Variants in RIF1 observed in about 807,000 individuals in gnomAD.
The protein encoded by RIF1 is replication timing regulatory factor 1, also known as telomere-associated protein RIF1.
RIF1 carries 45 observed loss-of-function variants against 247.1 expected under a neutral mutation model. The observed-to-expected ratio is 0.18, with a 90% CI of 0.14 to 0.23. The LOEUF is 0.23. RIF1 is among the 10% of genes least tolerant of loss of function. The pLI is 1.00. For missense variants in RIF1, 2,967 were observed against 2,862.5 expected, an observed-to-expected ratio of 1.04 and a Z score of -0.83; for synonymous variants, 1,087 against 978.8, an observed-to-expected ratio of 1.11 and a Z score of -2.06.
chr2:151,532,621 A>T, the RIF1 span, among the ~76,000 whole-genome samples: 1 of 152,020 alleles, frequency 6.6e-6, no homozygotes, highest in African/African-American at 2.4e-5. Flanking sequence ...GGCAAACAGG[A>T]TATTTATAGG....
At chr2:151,467,805 A>G (rs1471655753) in intron 30 of RIF1, among the ~76,000 whole-genome samples, 195 bp from the exon 31 acceptor site, 1 of 152,124 alleles carries the variant, frequency 6.6e-6, no homozygotes, top group Admixed American at 6.5e-5. Context: ...TAAAATATAG[A>G]AAATTAGAGT....
intron 9 of RIF1, among the ~76,000 whole-genome samples, chr2:151,494,823 A>AT (rs1361337534): frequency 6.6e-6 from 1 of 151,582 alleles, no homozygotes; most frequent in Admixed American, 6.6e-5. Flanking sequence ...TAATTTTTGT[A>AT]TTTTTTAGTA....
chr2:151,418,968 C>CTTTTTTTTTTTTTTTTTTTTTTTT (rs36020810), intron 6 of RIF1, among the ~76,000 whole-genome samples: 1 of 111,774 alleles, frequency 8.9e-6, no homozygotes, highest in African/African-American at 3.3e-5. Flanking sequence ...GCCTTAAATT[C>CTTTTTTTTTTTTTTTTTTTTTTTT]TTTTTTTTTT....
chr2:151,425,735 C>T (rs1230031024), intron 8 of RIF1, among the ~76,000 whole-genome samples: 4 of 127,088 alleles, frequency 3.1e-5, no homozygotes, highest in African/African-American at 1.2e-4. Flanking sequence ...GGCATGATCT[C>T]GGCTCACTGC....
At chr2:151,488,067 CT>C (rs2052588676) in intron 9 of RIF1, among the ~76,000 whole-genome samples, 2 of 151,910 alleles carry the variant, frequency 1.3e-5, no homozygotes, top group Admixed American at 1.3e-4. Flanking sequence ...TGGTGAACAC[CT>C]TTTTCTGTTG....
chr2:151,467,931 T>C, intron 30 of RIF1, 69 bp from the exon 31 acceptor site: 1 of 1,465,630 alleles, frequency 6.8e-7, no homozygotes, highest in South Asian at 1.3e-5. Context: ...AACCTCATAA[T>C]GAAAATTTAT....
chr2:151,436,751 A>G (rs1691294233), intron 11 of RIF1, 76 bp from the exon 12 acceptor site: 1 of 1,055,258 alleles, frequency 9.5e-7, no homozygotes, highest in African/African-American at 1.6e-5. Context: ...GTTTCATTGA[A>G]ATGAAATGTA....
rs1015485813 is a variant in RIF1, at chr2:151,480,735, C to T, written c.*5664C>T. The T allele has an allele frequency of 3.3e-5, 5 of 152,096 alleles. No individual in the cohort carries two copies. Among genetic ancestry groups the T allele is most frequent in the Non-Finnish European group, 7.4e-5 (5 of 68,000 alleles). 9.4% of individuals were successfully genotyped at this position (152,096 alleles called of 1,614,324 possible). On this transcript the variant is annotated 3_prime_UTR_variant, in exon 36 of 36. Coordinates refer to ENST00000444746, the MANE Select transcript of RIF1 (RefSeq NM_018151.5). ...ATAGTCTAACAATTATTTTGATACA[C>T]TATTGAATAGCTAACAAGTGTCTAA...
chr2:151,431,106 A>C lies in RIF1; in HGVS notation c.926-1971A>C, dbSNP rs540728681. Among the ~76,000 whole-genome samples the C allele has an allele frequency of 3.9e-5, 6 of 152,204 alleles. No homozygotes were observed. In the East Asian group the frequency reaches 1.2e-3, roughly 29 times the overall value. On this transcript the variant is annotated intron_variant, in intron 9 of 35. Coordinates refer to ENST00000444746, the MANE Select transcript of RIF1 (RefSeq NM_018151.5). ...AGCATAAAATAAGAGTAGTTTAAAG[A>C]TAGTAAGTTAAAAATAAGTTCAGAG... is the stretch of plus-strand genomic sequence containing the variant.
rs147818647 is a variant in RIF1 at position 151,477,074 on chromosome 2, T to G, written c.*2003T>G. 1 of 152,338 alleles carries G rather than the reference T, an allele frequency of 6.6e-6. No individual in the cohort carries two copies. Among genetic ancestry groups the G allele is most frequent in the East Asian group, 1.9e-4 (1 of 5,190 alleles). 9.4% of individuals were successfully genotyped at this position (152,338 alleles called of 1,614,324 possible). On this transcript the variant is annotated 3_prime_UTR_variant, in exon 36 of 36. Coordinates refer to ENST00000444746, the MANE Select transcript of RIF1 (RefSeq NM_018151.5). ...GTATTAATTTTAAAAACATTATAGT[T>G]TAATAAAGCTGCATTTAAAAATATT... is the stretch of plus-strand genomic sequence containing the variant.
At chr2:151,443,757 TTG>T (rs775528951) in intron 18 of RIF1, 48 bp downstream of exon 18, 61 of 1,176,208 alleles carry the variant, frequency 5.2e-5, no homozygotes, top group Non-Finnish European at 6.8e-5. Flanking sequence ...CCTTTTTTTT[TTG>T]TTAGTGCAGT....
chr2:151,445,966 G>A (rs1693194082), intron 19 of RIF1, among the ~76,000 whole-genome samples: 1 of 152,272 alleles, frequency 6.6e-6, no homozygotes, highest in Admixed American at 6.5e-5. Flanking sequence ...CCTCTCTTCA[G>A]TTAGACCTCT....
intron 8 of RIF1, among the ~76,000 whole-genome samples, chr2:151,424,825 A>AT (rs71000475): frequency 0.13 from 6,000 of 47,086 alleles, 756 homozygotes; most frequent in Non-Finnish European, 0.15. Flanking sequence ...AGCCCGGCTG[A>AT]TTTTTTTTTT....
Position 151,463,150 on chromosome 2 carries a change from T to TC in RIF1, c.3635dup (p.Tyr1213IlefsTer16). 6.2e-7 allele frequency: 1 copy of TC among 1,614,100 alleles called. No individual in the cohort carries two copies. The highest frequency in any genetic ancestry group is 8.5e-7 in the Non-Finnish European group (1 of 1,179,994). On this transcript the variant is annotated frameshift_variant, in exon 30 of 36. Transcript: ENST00000444746. LOFTEE classifies it high-confidence loss of function. ...TTTCTAATACCACTGTTGCTGGAAC[T>TC]CCCCCATACCCTACAAGTCGGAGGC... is the stretch of plus-strand genomic sequence containing the variant.
intron 8 of RIF1, among the ~76,000 whole-genome samples, chr2:151,425,652 G>T (rs1688921834): frequency 7.4e-6 from 1 of 135,970 alleles, no homozygotes; most frequent in Non-Finnish European, 1.5e-5. Context: ...TTAAATCCTT[G>T]TGGTACCCTT....
chr2:151,516,331 T>C, the RIF1 span: 5 of 598,298 alleles, frequency 8.4e-6, no homozygotes, highest in Non-Finnish European at 1.5e-5. Context: ...AAGATTTTAG[T>C]GATCACATGA....
chr2:151,504,698 G>C (rs2067403499), intron 12 of RIF1, among the ~76,000 whole-genome samples: 1 of 152,184 alleles, frequency 6.6e-6, no homozygotes, highest in South Asian at 2.1e-4. Context: ...ATAGTCTTTT[G>C]CTAGTAGCCA....
rs200145246 is a variant in RIF1, at chr2:151,435,595, T to G, written c.1195+15T>G. On this transcript the variant is annotated intron_variant, in intron 11 of 35. Transcript: ENST00000444746. ...TGTACACAAAGGTAAGAGGTAGATA[T>G]TCTTGTTTTTTGCTTTTTTAATCAG... The G allele has an allele frequency of 3.2e-5, 46 of 1,434,794 alleles. No homozygotes were observed. In the East Asian group the frequency reaches 5.5e-4, roughly 17 times the overall value. 88.9% of individuals were successfully genotyped at this position (1,434,794 alleles called of 1,614,324 possible). A position where few individuals can be genotyped will look rare whatever the true frequency, so the allele number is the denominator to read the frequency against.
At chr2:151,454,171 A>G (rs1268354876) in intron 21 of RIF1, among the ~76,000 whole-genome samples, 3 of 152,236 alleles carry the variant, frequency 2.0e-5, no homozygotes, top group Non-Finnish European at 4.4e-5. Flanking sequence ...TTAATTAAGC[A>G]TTCGTTTTCT....
Sources: gnomAD v4.1 joint callset for allele counts (sites outside exome capture counted in the v4.1 genomes callset) on GRCh38, gnomAD v4.1.1 for gene constraint, MANE v1.5 for transcripts, NCBI Gene and HGNC (gene_info 2026-07-23, HGNC 2026-07-21) for gene names.